DGKB: variants seen among roughly 807,000 people sequenced by gnomAD.
DGKB encodes diacylglycerol kinase beta.
In DGKB, 67 loss-of-function variants were observed where a neutral mutation model predicts 114.3. That is an observed-to-expected ratio of 0.59 (90% CI 0.48 to 0.72). The LOEUF is 0.72. Ranked by LOEUF, DGKB falls within the 30% of genes least tolerant of loss-of-function variation. The probability of loss-of-function intolerance (pLI) is 0.00; values close to 1 mark genes in which losing one functional copy is unlikely to be tolerated. For missense variants in DGKB, 907 were observed against 975.2 expected, an observed-to-expected ratio of 0.93 and a Z score of 0.93; for synonymous variants, 398 against 323.1, an observed-to-expected ratio of 1.23 and a Z score of -2.49.
chr7:14,389,742 T>G (rs1369814432), intron 21 of DGKB, among the ~76,000 whole-genome samples: 1 of 152,238 alleles, frequency 6.6e-6, no homozygotes, highest in East Asian at 1.9e-4. Context: ...AAGGCCTAAA[T>G]GGCCTAGAAA....
At chr7:14,840,399 T>G (rs74878275) in intron 2 of DGKB, among the ~76,000 whole-genome samples, 1,525 of 152,300 alleles carry the variant, frequency 0.01, 14 homozygotes, top group Admixed American at 0.016. Context: ...CTTCAACACC[T>G]GACCCAACTG....
intron 21 of DGKB, among the ~76,000 whole-genome samples, chr7:14,359,582 A>G (rs974591879): frequency 6.6e-6 from 1 of 152,118 alleles, no homozygotes; most frequent in Non-Finnish European, 1.5e-5. Context: ...CAAAGGGCTA[A>G]TATTCAGAAT....
intron 18 of DGKB, among the ~76,000 whole-genome samples, chr7:14,581,594 A>G (rs2128724647): frequency 6.6e-6 from 1 of 152,312 alleles, no homozygotes; most frequent in South Asian, 2.1e-4. Flanking sequence ...TGCCGCTGAC[A>G]TCCCATATGC....
intron 21 of DGKB, among the ~76,000 whole-genome samples, chr7:14,405,661 G>A (rs1257288692): frequency 6.6e-6 from 1 of 151,958 alleles, no homozygotes; most frequent in Non-Finnish European, 1.5e-5. Context: ...AAAAAAGTCA[G>A]CATGCAAGTA....
Position 14,718,703 on chromosome 7 carries a change from T to C in DGKB, c.323-18A>G. On this transcript the variant is annotated intron_variant, in intron 5 of 25. Transcript: ENST00000402815. ...TCTCAGACCTGGAAAAAAAATTGTCTTTATATTTTGTTAATTATTTACAGT... is the reference window on the plus strand; with the variant it reads ...TCTCAGACCTGGAAAAAAAATTGTCCTTATATTTTGTTAATTATTTACAGT... 1.3e-6 allele frequency: 2 copies of C among 1,586,894 alleles called. No homozygotes were observed. Among genetic ancestry groups the C allele is most frequent in the South Asian group, 1.1e-5 (1 of 87,404 alleles).
chr7:14,753,590 T>C (rs1834425688), intron 4 of DGKB, among the ~76,000 whole-genome samples: 1 of 152,190 alleles, frequency 6.6e-6, no homozygotes, highest in Non-Finnish European at 1.5e-5. Flanking sequence ...AATTAATAAA[T>C]TAAGACTTTT....
At chr7:14,313,166 T>G (rs928725424) in intron 23 of DGKB, among the ~76,000 whole-genome samples, 1 of 152,214 alleles carries the variant, frequency 6.6e-6, no homozygotes, top group East Asian at 1.9e-4. Flanking sequence ...CCAAAAGTAT[T>G]TGAACAGATT....
intron 1 of DGKB, among the ~76,000 whole-genome samples, chr7:14,881,003 G>A (rs1028854018): frequency 2.6e-5 from 4 of 152,130 alleles, no homozygotes; most frequent in Non-Finnish European, 4.4e-5. Flanking sequence ...CAATGAGGCT[G>A]TTAGGCCAAA....
chr7:14,170,595 ACCTTTT>A (rs1473763259), intron 25 of DGKB, among the ~76,000 whole-genome samples: 2 of 152,086 alleles, frequency 1.3e-5, no homozygotes, highest in African/African-American at 4.8e-5. Flanking sequence ...AATTTATACA[ACCTTTT>A]CCTTTATATC....
chr7:14,229,577 T>C (rs10486042), intron 23 of DGKB, among the ~76,000 whole-genome samples: 35,360 of 151,918 alleles, frequency 0.23, 4,170 homozygotes, highest in Middle Eastern at 0.33. Context: ...TATCTATATT[T>C]ATGTCTGTAG....
At chr7:14,309,259 C>T (rs1167576438) in intron 23 of DGKB, among the ~76,000 whole-genome samples, 3 of 152,080 alleles carry the variant, frequency 2.0e-5, no homozygotes, top group Admixed American at 2.0e-4. Context: ...GCAATCAGAG[C>T]CCTGTCTGTC....
chr7:14,491,831 A>G (rs1263489002), intron 20 of DGKB, among the ~76,000 whole-genome samples: 2 of 152,042 alleles, frequency 1.3e-5, no homozygotes, highest in Admixed American at 6.6e-5. Flanking sequence ...AATCATAGTA[A>G]TTAAAGAGAA....
At chr7:14,368,180 G>C (rs1247188899) in intron 21 of DGKB, among the ~76,000 whole-genome samples, 1 of 149,532 alleles carries the variant, frequency 6.7e-6, no homozygotes, top group African/African-American at 2.5e-5. Flanking sequence ...CCTTATACCA[G>C]AGTGGTACGT....
Position 14,922,935 on chromosome 7 carries a change from A to G in DGKB, c.-188+51761T>C, listed in dbSNP as rs989303736. ...TTATTACTGTGATCACTATGCAGTC[A>G]ATAGAGCACTAAAATATATTCCTTC... On this transcript the variant is annotated intron_variant, in intron 1 of 4. Coordinates refer to the DGKB transcript ENST00000437998. Among the ~76,000 whole-genome samples the G allele has an allele frequency of 1.6e-4, 24 of 152,334 alleles. No homozygotes were observed. In the East Asian group the frequency reaches 3.9e-3, roughly 24 times the overall value.
chr7:14,535,659 C>A (rs780006452), intron 20 of DGKB, among the ~76,000 whole-genome samples: 1 of 152,162 alleles, frequency 6.6e-6, no homozygotes, highest in Non-Finnish European at 1.5e-5. Flanking sequence ...GTGATCTCAG[C>A]TTACTGCAAC....
intron 2 of DGKB, among the ~76,000 whole-genome samples, chr7:14,759,550 T>C (rs1835386355): frequency 1.3e-5 from 2 of 152,146 alleles, no homozygotes; most frequent in South Asian, 4.1e-4. Context: ...TAGCTTAGTG[T>C]TTTCAAGGTT....
intron 1 of DGKB, among the ~76,000 whole-genome samples, chr7:14,899,487 C>T (rs893029967): frequency 6.6e-6 from 1 of 152,092 alleles, no homozygotes. Flanking sequence ...TATTTAGTGT[C>T]CCTCAGGACA....
At chr7:14,254,740 T>C (rs1357016618) in intron 23 of DGKB, among the ~76,000 whole-genome samples, 1 of 152,170 alleles carries the variant, frequency 6.6e-6, no homozygotes, top group Non-Finnish European at 1.5e-5. Context: ...TCTCTGTTTG[T>C]TTTCCTCCAT....
chr7:14,355,970 A>G (rs1814395755), intron 21 of DGKB, among the ~76,000 whole-genome samples: 1 of 152,118 alleles, frequency 6.6e-6, no homozygotes, highest in Non-Finnish European at 1.5e-5. Context: ...CTATTTGTCT[A>G]TTCACGGATT....
Sources: gnomAD v4.1 joint callset for allele counts (sites outside exome capture counted in the v4.1 genomes callset) on GRCh38, gnomAD v4.1.1 for gene constraint, MANE v1.5 for transcripts, NCBI Gene and HGNC (gene_info 2026-07-23, HGNC 2026-07-21) for gene names.